KCNC3: variants seen among roughly 807,000 people sequenced by gnomAD.
The protein encoded by KCNC3 is voltage-gated potassium channel KCNC3.
In KCNC3, 22 loss-of-function variants were observed where a neutral mutation model predicts 43.9. The ratio of observed to expected loss-of-function variants is 0.50; its 90% CI spans 0.36 to 0.72. The LOEUF (loss-of-function observed/expected upper bound fraction) is 0.72, where lower values mean the gene tolerates loss of function less well. Ranked by LOEUF, KCNC3 falls within the 30% of genes least tolerant of loss-of-function variation. KCNC3 has a pLI of 0.00. For missense variants in KCNC3, 829 were observed against 1,073.8 expected, an observed-to-expected ratio of 0.77 and a Z score of 3.19; for synonymous variants, 492 against 488.0, an observed-to-expected ratio of 1.01 and a Z score of -0.11.
At chr19:50,326,018 T>C (rs552667916) in intron 1 of KCNC3, among the ~76,000 whole-genome samples, 119 of 151,374 alleles carry the variant, frequency 7.9e-4, no homozygotes, top group African/African-American at 2.7e-3. Flanking sequence ...GCAGAAGGGG[T>C]AGGAGGGCAT....
Position 50,323,830 on chromosome 19 carries a change from C to A in KCNC3, c.1123G>T (p.Glu375Ter). 6.2e-7 allele frequency: 1 copy of A among 1,614,178 alleles called. No homozygotes were observed. Residue 375 changes from glutamate to a stop codon, truncating the protein, a stop_gained, in exon 2 of 5, where the codon GAG (glutamate) becomes TAG (stop). Transcript: ENST00000477616. LOFTEE classifies it high-confidence loss of function. Reference protein sequence around the residue: ...MRITFCPDKVEFLKSSLNIID... With the variant: ...MRITFCPDKV ...ATGTTGAGGCTGCTTTTAAGAAACT[C>A]CACCTTGTCTGGGCAGAAGGTGATG...
At chr19:50,322,754 A>G (rs1418754495) in intron 2 of KCNC3, among the ~76,000 whole-genome samples, 1 of 151,968 alleles carries the variant, frequency 6.6e-6, no homozygotes, top group Admixed American at 6.5e-5. Flanking sequence ...GCCCCTCTGA[A>G]TATCTTGCAA....
intron 1 of KCNC3, among the ~76,000 whole-genome samples, chr19:50,325,575 C>G (rs2037092860): frequency 8.7e-6 from 1 of 114,792 alleles, no homozygotes; most frequent in Non-Finnish European, 1.8e-5. Context: ...GGCGCAGGTC[C>G]TCTCTGAACT....
upstream of KCNC3, among the ~76,000 whole-genome samples, chr19:50,331,882 C>G: frequency 6.6e-6 from 1 of 151,950 alleles, no homozygotes; most frequent in Non-Finnish European, 1.5e-5. Context: ...TTTCTCAGAC[C>G]CCCCATCACC....
chr19:50,318,321 C>T (rs2036983465), intron 4 of KCNC3, among the ~76,000 whole-genome samples: 1 of 151,954 alleles, frequency 6.6e-6, no homozygotes, highest in African/African-American at 2.4e-5. Context: ...ACTACAGGTG[C>T]CCACCACCAC....
At position 50,313,316 on chromosome 19, in the gene KCNC3, TCTGTGGACTACTTTAAATGGAAA is replaced by T; in HGVS notation, c.*2776_*2798del. The T allele has an allele frequency of 6.6e-6, 1 of 152,334 alleles. No homozygotes were observed. The highest frequency in any genetic ancestry group is 1.9e-4 in the East Asian group (1 of 5,174). 9.4% of individuals were successfully genotyped at this position (152,334 alleles called of 1,614,324 possible). On this transcript the variant is annotated 3_prime_UTR_variant, in exon 5 of 5. Transcript: ENST00000477616. ...CCTTCGGGAACAGCCTCTGTGATCA[TCTGTGGACTACTTTAAATGGAAA>T]CACTCTTAACCTAAATAAACCGTGT...
intron 4 of KCNC3, among the ~76,000 whole-genome samples, chr19:50,318,082 T>C (rs1321891733): frequency 1.3e-5 from 2 of 151,076 alleles, no homozygotes; most frequent in African/African-American, 2.4e-5. Flanking sequence ...CGGCAGCCAC[T>C]GTGCCCAGCC....
At chr19:50,318,133 CTT>C (rs1194346642) in intron 4 of KCNC3, among the ~76,000 whole-genome samples, 1 of 151,830 alleles carries the variant, frequency 6.6e-6, no homozygotes, top group Non-Finnish European at 1.5e-5. Flanking sequence ...TAGTCTTGTT[CTT>C]TTATCTTTAT....
rs961806286 is a variant in KCNC3 at position 50,313,790 on chromosome 19, A to C, written c.*2325T>G. 6.6e-6 allele frequency: 1 copy of C among 152,074 alleles called. No homozygotes were observed. Among genetic ancestry groups the C allele is most frequent in the African/African-American group, 2.4e-5 (1 of 41,362 alleles). 9.4% of individuals were successfully genotyped at this position (152,074 alleles called of 1,614,324 possible). A position where few individuals can be genotyped will look rare whatever the true frequency, so the allele number is the denominator to read the frequency against. On this transcript the variant is annotated 3_prime_UTR_variant, in exon 5 of 5. Coordinates refer to ENST00000477616, the MANE Select transcript of KCNC3 (RefSeq NM_004977.3). ...ATCCCAAAGGCTGAATTTGAGCTGA[A>C]AAGAGCTGGGTCAAGTCTTGGAGGT...
Position 50,314,546 on chromosome 19 carries a change from G to A in KCNC3, c.*1569C>T, listed in dbSNP as rs1351887949. On this transcript the variant is annotated 3_prime_UTR_variant, in exon 5 of 5. Coordinates refer to ENST00000477616, the MANE Select transcript of KCNC3 (RefSeq NM_004977.3). ...GGGGGAGGTGCCCCAAGATGTAACT[G>A]GCATAATTTGGACTTATTTACACAA... 4 of 259,710 alleles carry A rather than the reference G, an allele frequency of 1.5e-5. No homozygotes were observed. Among genetic ancestry groups the A allele is most frequent in the African/African-American group, 7.1e-5 (3 of 42,138 alleles). 16.1% of individuals were successfully genotyped at this position (259,710 alleles called of 1,614,324 possible).
rs1490534634 is a variant in KCNC3 at position 50,315,660 on chromosome 19, G to A, written c.*455C>T. 1 of 108,280 alleles carries A rather than the reference G, an allele frequency of 9.2e-6. No homozygotes were observed. The highest frequency in any genetic ancestry group is 1.9e-5 in the Non-Finnish European group (1 of 51,326). The allele number at this position is 108,280 out of a possible 1,614,324, so 6.7% of individuals were successfully genotyped here. Reference sequence around the variant, plus strand: ...CAGGAGCAGTGGGGGGGGGTGGGGGGGGAGGGAGGCTCCTCCAGAAGATTC... The same window carrying A: ...CAGGAGCAGTGGGGGGGGGTGGGGGAGGAGGGAGGCTCCTCCAGAAGATTC... On this transcript the variant is annotated 3_prime_UTR_variant, in exon 5 of 5. Coordinates refer to ENST00000477616, the MANE Select transcript of KCNC3 (RefSeq NM_004977.3).
upstream of KCNC3, chr19:50,333,378 C>G (rs1423026932): frequency 1.3e-5 from 2 of 154,224 alleles, no homozygotes; most frequent in Non-Finnish European, 2.9e-5. Flanking sequence ...CCCCGGGGTC[C>G]TGGAATGCCA....
intron 3 of KCNC3, 44 bp from the exon 4 acceptor site, chr19:50,320,393 T>A (rs2037013915): frequency 1.9e-6 from 1 of 520,634 alleles, no homozygotes; most frequent in Non-Finnish European, 3.3e-6. Context: ...GGAATGGACA[T>A]GGAATAAAGA....
Position 50,320,258 on chromosome 19 carries a change from C to T in KCNC3, c.2262G>A (p.Trp754Ter). 1 of 1,038,946 alleles carries T rather than the reference C, an allele frequency of 9.6e-7. No homozygotes were observed. The highest frequency in any genetic ancestry group is 1.3e-6 in the Non-Finnish European group (1 of 780,312). 64.4% of individuals were successfully genotyped at this position (1,038,946 alleles called of 1,614,324 possible). A position where few individuals can be genotyped will look rare whatever the true frequency, so the allele number is the denominator to read the frequency against. Reference sequence around the variant, plus strand: ...GGGGGTTCGTCCACTAGGGGGATATCCAGGCCGCGGCGTTGGCGTTGAGGT... The same window carrying T: ...GGGGGTTCGTCCACTAGGGGGATATTCAGGCCGCGGCGTTGGCGTTGAGGT... ...LPDLNANAAA[W>*]ISP is the part of the protein sequence containing the mutation. The change falls in exon 4 of 5, where the codon TGG becomes TGA. Residue 754 changes from tryptophan (W) to a stop codon, truncating the protein, a stop_gained. Coordinates refer to ENST00000477616, the MANE Select transcript of KCNC3 (RefSeq NM_004977.3). LOFTEE classifies it high-confidence loss of function.
chr19:50,326,313 G>C (rs1405370683), intron 1 of KCNC3, among the ~76,000 whole-genome samples: 1 of 152,212 alleles, frequency 6.6e-6, no homozygotes, highest in Non-Finnish European at 1.5e-5. Flanking sequence ...TCACAGGAGA[G>C]AAGGGCGCCC....
In KCNC3 at chr19:50,320,577, A is replaced by G; in HGVS notation, c.2170+16T>C. On this transcript the variant is annotated intron_variant, in intron 3 of 4. Coordinates refer to ENST00000477616, the MANE Select transcript of KCNC3 (RefSeq NM_004977.3). ...AGAGGGAGGGTCCCAGGGGATCAGT[A>G]GGGGGGGCACCTCACCTTTTCGGAT... The G allele has an allele frequency of 1.2e-6, 2 of 1,603,984 alleles. No homozygotes were observed. Among genetic ancestry groups the G allele is most frequent in the Non-Finnish European group, 1.7e-6 (2 of 1,175,850 alleles).
chr19:50,327,252 G>T (rs772324495), intron 1 of KCNC3, among the ~76,000 whole-genome samples: 39 of 152,228 alleles, frequency 2.6e-4, no homozygotes, highest in Admixed American at 7.2e-4. Flanking sequence ...GGCATATGAT[G>T]GGGGCATGGG....
chr19:50,314,680 C>T lies in KCNC3; in HGVS notation c.*1435G>A. The T allele has an allele frequency of 2.6e-6, 1 of 389,672 alleles. No homozygotes were observed. Among genetic ancestry groups the T allele is most frequent in the Admixed American group, 3.3e-5 (1 of 30,698 alleles). The allele number at this position is 389,672 out of a possible 1,614,324, so 24.1% of individuals were successfully genotyped here. A position where few individuals can be genotyped will look rare whatever the true frequency, so the allele number is the denominator to read the frequency against. ...TGGCCCCTCTCTCCATCCTGGGGGC[C>T]CAGGTTGGGGGTGAGGGGCCCGGGG... is the stretch of plus-strand genomic sequence containing the variant. On this transcript the variant is annotated 3_prime_UTR_variant, in exon 5 of 5. Coordinates refer to ENST00000477616, the MANE Select transcript of KCNC3 (RefSeq NM_004977.3).
At position 50,324,198 on chromosome 19, in the gene KCNC3, G is replaced by C; in HGVS notation, c.871-116C>G. On this transcript the variant is annotated intron_variant, in intron 1 of 4. Transcript: ENST00000477616. The surrounding 1 kb of genome is among the most constrained non-coding windows in gnomAD (Gnocchi z 4.1). ...CCCAGCCTCCTGGGCCCAAACTCTG[G>C]GCAAAATCCAGGTGTCTCAGCCCTG... The C allele has an allele frequency of 9.6e-7, 1 of 1,041,734 alleles. No individual in the cohort carries two copies. The highest frequency in any genetic ancestry group is 1.4e-6 in the Non-Finnish European group (1 of 734,518). The allele number at this position is 1,041,734 out of a possible 1,614,324, so 64.5% of individuals were successfully genotyped here. A position where few individuals can be genotyped will look rare whatever the true frequency, so the allele number is the denominator to read the frequency against.
Sources: allele counts gnomAD v4.1 joint callset (sites outside exome capture counted in the v4.1 genomes callset), GRCh38; gene constraint gnomAD v4.1.1; non-coding constraint Gnocchi (gnomAD v3.1); transcripts MANE v1.5; gene names NCBI Gene and HGNC (gene_info 2026-07-23, HGNC 2026-07-21).